Variants in ETV6 observed in about 807,000 individuals in gnomAD.
ETV6 encodes ETS variant transcription factor 6, also known as transcription factor ETV6.
ETV6 carries 16 observed loss-of-function variants against 51.1 expected under a neutral mutation model. The observed-to-expected ratio is 0.31, with a 90% CI of 0.21 to 0.48. The LOEUF (loss-of-function observed/expected upper bound fraction) is 0.48. Among genes scored for constraint, ETV6 ranks in the 20% least tolerant of loss-of-function variants. The pLI, the probability that ETV6 is intolerant of heterozygous loss-of-function variation, is 0.99. For missense variants in ETV6, 458 were observed against 594.8 expected (o/e 0.77, Z 2.39); for synonymous variants, 240 against 224.1 (o/e 1.07, Z -0.64).
intron 2 of ETV6, among the ~76,000 whole-genome samples, chr12:11,769,400 T>G (rs1184855618): frequency 6.6e-6 from 1 of 152,094 alleles, no homozygotes; most frequent in Non-Finnish European, 1.5e-5. Flanking sequence ...AAAATTCACT[T>G]CTATTTAAAA....
rs1865005754 is a variant in ETV6 at position 11,702,619 on chromosome 12, G to T, written c.34-49831G>T. Among the ~76,000 whole-genome samples the T allele has an allele frequency of 4.3e-5, 6 of 139,428 alleles. No individual in the cohort carries two copies. In the South Asian group the frequency reaches 1.5e-3, roughly 35 times the overall value. 91.5% of individuals were successfully genotyped at this position (139,428 alleles called of 152,430 possible). A position where few individuals can be genotyped will look rare whatever the true frequency, so the allele number is the denominator to read the frequency against. ...TGCCTGTAATCTCTTGGTAACAAAA[G>T]AAGTCAAACAAAAATTTCATGCAAG... On this transcript the variant is annotated intron_variant, in intron 1 of 7. Coordinates refer to ENST00000396373, the MANE Select transcript of ETV6 (RefSeq NM_001987.5).
intron 1 of ETV6, among the ~76,000 whole-genome samples, chr12:11,658,148 A>G (rs1301687284): frequency 6.6e-6 from 1 of 152,202 alleles, no homozygotes; most frequent in African/African-American, 2.4e-5. Context: ...TACATCCTCC[A>G]TAACACATGG....
At chr12:11,865,868 ATCT>A (rs1946784363) in intron 4 of ETV6, among the ~76,000 whole-genome samples, 1 of 151,828 alleles carries the variant, frequency 6.6e-6, no homozygotes, top group Non-Finnish European at 1.5e-5. Context: ...TATTTTACAT[ATCT>A]TACTTGAGAT....
chr12:11,754,120 C>T (rs1026017090), intron 2 of ETV6, among the ~76,000 whole-genome samples: 1 of 152,184 alleles, frequency 6.6e-6, no homozygotes, highest in African/African-American at 2.4e-5. Context: ...CAGAAATATT[C>T]GCCTCAGGAT....
At chr12:11,842,567 C>A (rs1245100949) in intron 3 of ETV6, among the ~76,000 whole-genome samples, 1 of 152,202 alleles carries the variant, frequency 6.6e-6, no homozygotes, top group Non-Finnish European at 1.5e-5. Flanking sequence ...CAGGGCATGG[C>A]TTCCAGGTGG....
At chr12:11,855,621 A>C (rs551883051) in intron 4 of ETV6, among the ~76,000 whole-genome samples, 1 of 152,258 alleles carries the variant, frequency 6.6e-6, no homozygotes, top group African/African-American at 2.4e-5. Flanking sequence ...TGTTTTTCCT[A>C]ATTAACACTT....
At chr12:11,845,302 G>A (rs749712562) in intron 3 of ETV6, among the ~76,000 whole-genome samples, 9 of 152,200 alleles carry the variant, frequency 5.9e-5, no homozygotes, top group South Asian at 2.1e-4. Flanking sequence ...TGCAGATGAC[G>A]CTAAACATTG....
rs1052822871 is a variant in ETV6, at chr12:11,650,302, A to T, written c.33+142A>T. ...TTTGGGGCGAGAGGGAAAGAGATGC[A>T]GCTCGCGGTGGCTGCTGTACCCTTT... On this transcript the variant is annotated intron_variant, in intron 1 of 7. Coordinates refer to ENST00000396373, the MANE Select transcript of ETV6 (RefSeq NM_001987.5). 34 of 748,218 alleles carry T rather than the reference A, an allele frequency of 4.5e-5. No homozygotes were observed. In the African/African-American group the frequency reaches 5.8e-4, roughly 13 times the overall value. 46.3% of individuals were successfully genotyped at this position (748,218 alleles called of 1,614,324 possible).
chr12:11,767,163 C>T (rs912035209), intron 2 of ETV6, among the ~76,000 whole-genome samples: 2 of 152,182 alleles, frequency 1.3e-5, no homozygotes, highest in African/African-American at 4.8e-5. Flanking sequence ...ATTTAAGGGC[C>T]AGCTCTAACA....
At chr12:11,734,762 G>A (rs967973408) in intron 1 of ETV6, among the ~76,000 whole-genome samples, 6 of 150,336 alleles carry the variant, frequency 4.0e-5, no homozygotes, top group Admixed American at 1.3e-4. Flanking sequence ...CTTAGGCTTG[G>A]GGTGTTTAAG....
At chr12:11,799,228 C>T (rs567847390) in intron 2 of ETV6, among the ~76,000 whole-genome samples, 17 of 152,336 alleles carry the variant, frequency 1.1e-4, no homozygotes, top group Non-Finnish European at 2.2e-4. Context: ...CACAACTTTG[C>T]AAGTGAACTA....
intron 1 of ETV6, among the ~76,000 whole-genome samples, chr12:11,702,995 A>G (rs61378897): frequency 0.014 from 2,155 of 152,268 alleles, 51 homozygotes; most frequent in African/African-American, 0.049. Flanking sequence ...AGTCCCGGCT[A>G]CCTGAAAGGC....
At chr12:11,807,787 A>G (rs1314194846) in intron 2 of ETV6, among the ~76,000 whole-genome samples, 1 of 152,204 alleles carries the variant, frequency 6.6e-6, no homozygotes, top group Non-Finnish European at 1.5e-5. Flanking sequence ...TGGATGTTTG[A>G]TTGGACTGAC....
intron 2 of ETV6, among the ~76,000 whole-genome samples, chr12:11,780,878 C>G (rs1002308009): frequency 3.3e-5 from 5 of 152,174 alleles, no homozygotes; most frequent in Non-Finnish European, 2.9e-5. Flanking sequence ...CTTGTTCTTA[C>G]GTCCTGTGGA....
intron 2 of ETV6, among the ~76,000 whole-genome samples, chr12:11,758,354 T>C (rs1006567139): frequency 1.3e-5 from 2 of 152,200 alleles, no homozygotes; most frequent in Admixed American, 6.5e-5. Flanking sequence ...TTTCCGGTTA[T>C]GGTGAATAGC....
intron 2 of ETV6, among the ~76,000 whole-genome samples, chr12:11,837,377 T>C (rs1273521687): frequency 6.6e-6 from 1 of 152,050 alleles, no homozygotes; most frequent in Non-Finnish European, 1.5e-5. Context: ...TAGTTCTTTT[T>C]TTGGTGCACT....
At chr12:11,770,934 C>T (rs1388834381) in intron 2 of ETV6, among the ~76,000 whole-genome samples, 1 of 152,114 alleles carries the variant, frequency 6.6e-6, no homozygotes, top group Non-Finnish European at 1.5e-5. Context: ...TATGCAATGG[C>T]TCTGAGGCAC....
At chr12:11,839,408 C>T in intron 3 of ETV6, 104 bp downstream of exon 3, 1 of 1,165,152 alleles carries the variant, frequency 8.6e-7, no homozygotes, top group Admixed American at 2.2e-5. Flanking sequence ...AACAGTGAGT[C>T]ATCACAAGGA....
At position 11,839,227 on chromosome 12, in the gene ETV6, G is replaced by C. The variant is rs758542723; in HGVS notation, c.251G>C (p.Ser84Thr). The change falls in exon 3 of 8, where the codon AGC becomes ACC. Residue 84 changes from serine (S) to threonine (T), a missense_variant. Ser to Thr is a moderately conservative substitution (Grantham distance 58). This residue lies in a region of ETV6 where 26 missense variants were observed against 52.1 expected (regional missense o/e 0.50). Transcript: ENST00000396373. Reference sequence around the variant, plus strand: ...GAGTTTTCTTTAAGGCCAATTGACAGCAACACGTTTGAAATGAATGGCAAA... The same window carrying C: ...GAGTTTTCTTTAAGGCCAATTGACACCAACACGTTTGAAATGAATGGCAAA... ...ENEFSLRPID[S>T]NTFEMNGKAL... The C allele has an allele frequency of 1.2e-6, 2 of 1,614,130 alleles. No homozygotes were observed. Among genetic ancestry groups the C allele is most frequent in the East Asian group, 2.2e-5 (1 of 44,898 alleles).
Sources: allele counts gnomAD v4.1 joint callset (sites outside exome capture counted in the v4.1 genomes callset), GRCh38; gene constraint gnomAD v4.1.1; regional missense constraint gnomAD v4.1.1; transcripts MANE v1.5; gene names NCBI Gene and HGNC (gene_info 2026-07-23, HGNC 2026-07-21).